Variants in RAB5A observed in about 807,000 individuals in gnomAD.
The protein encoded by RAB5A is ras-related protein Rab-5A.
Under a neutral mutation model 25.7 loss-of-function variants are expected in RAB5A, and 8 were observed. The observed-to-expected ratio is 0.31, with a 90% CI of 0.18 to 0.56. The LOEUF (loss-of-function observed/expected upper bound fraction) is 0.56, where lower values mean the gene tolerates loss of function less well. Among genes scored for constraint, RAB5A ranks in the 20% least tolerant of loss-of-function variants. The pLI is 0.91. For missense variants in RAB5A, 192 were observed against 259.7 expected, an observed-to-expected ratio of 0.74 and a Z score of 1.79; for synonymous variants, 98 against 89.8, an observed-to-expected ratio of 1.09 and a Z score of -0.52.
In RAB5A at chr3:19,980,471, T is replaced by C. The variant is rs145248260; in HGVS notation, c.532+2068T>C. 4.2e-3 allele frequency among the ~76,000 whole-genome samples: 635 copies of C among 151,936 alleles called. 25 individuals carry two copies. The highest frequency in any genetic ancestry group is 0.038 in the Admixed American group (586 of 15,230). On this transcript the variant is annotated intron_variant, in intron 5 of 5. Coordinates refer to ENST00000273047, the MANE Select transcript of RAB5A (RefSeq NM_004162.5). ...TTTTTTTTTCTTTTTTTTTTTGTTA[T>C]GAAGGAACACTTTGATAGATTAGTA... is the stretch of plus-strand genomic sequence containing the variant.
chr3:19,968,103 A>T (rs1263415001), intron 2 of RAB5A, among the ~76,000 whole-genome samples: 2 of 151,634 alleles, frequency 1.3e-5, no homozygotes, highest in Non-Finnish European at 2.9e-5. Flanking sequence ...TCTAACTTGA[A>T]TTTTTTTTTA....
chr3:19,976,795 C>T lies in RAB5A; in HGVS notation c.438+626C>T, dbSNP rs77361231. On this transcript the variant is annotated intron_variant, in intron 4 of 5. Transcript: ENST00000273047. ...ACATACTTTATGTCCTAACCCTCTT[C>T]TACTCATGTGCAAATATGTATCAGC... 3.4e-4 allele frequency among the ~76,000 whole-genome samples: 52 copies of T among 152,326 alleles called. No homozygotes were observed. The East Asian group carries it at 5.6e-3, about 16-fold the overall frequency.
chr3:19,955,133 T>C (rs1696481387), intron 2 of RAB5A, among the ~76,000 whole-genome samples: 1 of 152,182 alleles, frequency 6.6e-6, no homozygotes, highest in African/African-American at 2.4e-5. Flanking sequence ...GTGATATTTA[T>C]AAACAAATTA....
chr3:19,975,150 C>T (rs996381857), intron 2 of RAB5A, among the ~76,000 whole-genome samples: 17 of 151,066 alleles, frequency 1.1e-4, no homozygotes, highest in African/African-American at 4.1e-4. Flanking sequence ...TGCTTGAACC[C>T]GGGAGGCGGA....
chr3:19,948,287 A>G (rs939532109), intron 1 of RAB5A, among the ~76,000 whole-genome samples: 5 of 152,192 alleles, frequency 3.3e-5, no homozygotes, highest in African/African-American at 1.2e-4. Context: ...ATGGAATCAA[A>G]GCGTTCAATC....
chr3:19,978,206 T>G, intron 4 of RAB5A, 104 bp from the exon 5 acceptor site: 1 of 773,570 alleles, frequency 1.3e-6, no homozygotes. Context: ...AGGAATCAGG[T>G]TGTAGTAATA....
intron 2 of RAB5A, among the ~76,000 whole-genome samples, chr3:19,966,010 G>T (rs77937850): frequency 5.1e-4 from 78 of 152,322 alleles, no homozygotes; most frequent in African/African-American, 1.9e-3. Flanking sequence ...CTGCAGGTGT[G>T]AACCACTGCG....
intron 2 of RAB5A, among the ~76,000 whole-genome samples, chr3:19,956,252 C>A (rs962764882): frequency 6.6e-6 from 1 of 152,132 alleles, no homozygotes; most frequent in Non-Finnish European, 1.5e-5. Context: ...ACTGGCAGAT[C>A]ACGAGGTCAG....
intron 2 of RAB5A, among the ~76,000 whole-genome samples, chr3:19,966,676 C>T (rs1048528062): frequency 3.3e-5 from 5 of 152,150 alleles, no homozygotes; most frequent in Non-Finnish European, 5.9e-5. Flanking sequence ...CACACTTTAC[C>T]TTTTTCTCTT....
intron 2 of RAB5A, among the ~76,000 whole-genome samples, chr3:19,955,104 T>C (rs1034199006): frequency 3.3e-5 from 5 of 152,186 alleles, no homozygotes; most frequent in South Asian, 2.1e-4. Context: ...AAAATACTTA[T>C]TTTTAAGAAG....
At chr3:19,966,559 G>A (rs1696665287) in intron 2 of RAB5A, among the ~76,000 whole-genome samples, 1 of 152,148 alleles carries the variant, frequency 6.6e-6, no homozygotes, top group South Asian at 2.1e-4. Context: ...GCCCGTAAGA[G>A]GAATTGCTGG....
At chr3:19,954,219 TG>T (rs1467522193) in intron 2 of RAB5A, among the ~76,000 whole-genome samples, 46 of 152,274 alleles carry the variant, frequency 3.0e-4, no homozygotes, top group African/African-American at 1.1e-3. Context: ...TTTGCCATCT[TG>T]GCCAGGCTGG....
chr3:19,983,282 A>G (rs936662527), intron 5 of RAB5A, among the ~76,000 whole-genome samples: 5 of 147,782 alleles, frequency 3.4e-5, no homozygotes, highest in Non-Finnish European at 7.4e-5. Context: ...GTTGCAGTGA[A>G]CTGAGATCAC....
At chr3:19,967,730 C>CT (rs1696681092) in intron 2 of RAB5A, among the ~76,000 whole-genome samples, 1 of 151,808 alleles carries the variant, frequency 6.6e-6, no homozygotes, top group Non-Finnish European at 1.5e-5. Context: ...CTTATTTTTT[C>CT]TTTTTTCCCT....
chr3:19,969,030 GGTTTTTTTTTTTTGGT>G (rs1696702137), intron 2 of RAB5A, among the ~76,000 whole-genome samples: 8 of 112,178 alleles, frequency 7.1e-5, no homozygotes, highest in Non-Finnish European at 1.0e-4. Flanking sequence ...TTTTGGTTTT[GGTTTTTTTTTTTTGGT>G]TTTTTTTTTT....
intron 2 of RAB5A, among the ~76,000 whole-genome samples, chr3:19,965,888 A>G (rs1696654621): frequency 6.6e-6 from 1 of 151,904 alleles, no homozygotes; most frequent in Admixed American, 6.6e-5. Context: ...GCACGCCACC[A>G]CACCTGTTTT....
At chr3:19,959,458 A>G (rs1253056815) in intron 2 of RAB5A, among the ~76,000 whole-genome samples, 1 of 151,520 alleles carries the variant, frequency 6.6e-6, no homozygotes, top group Non-Finnish European at 1.5e-5. Flanking sequence ...ATATATATAT[A>G]TGTATGTATA....
At chr3:19,961,255 G>A (rs768598674) in intron 2 of RAB5A, among the ~76,000 whole-genome samples, 1 of 152,152 alleles carries the variant, frequency 6.6e-6, no homozygotes, top group Non-Finnish European at 1.5e-5. Context: ...TATAGACAAG[G>A]AAACTGAAGC....
At chr3:19,951,252 T>C in intron 2 of RAB5A, 191 bp downstream of exon 2, 1 of 576,706 alleles carries the variant, frequency 1.7e-6, no homozygotes, top group Non-Finnish European at 2.9e-6. Flanking sequence ...ATTTGATTGT[T>C]TGGTTAATCC....
Sources: allele counts gnomAD v4.1 joint callset (sites outside exome capture counted in the v4.1 genomes callset), GRCh38; gene constraint gnomAD v4.1.1; transcripts MANE v1.5; gene names NCBI Gene and HGNC (gene_info 2026-07-23, HGNC 2026-07-21).